Variants in GRIK2 observed in about 807,000 individuals in gnomAD.
GRIK2 encodes the protein glutamate ionotropic receptor kainate type subunit 2.
GRIK2 carries 32 observed loss-of-function variants against 100.3 expected under a neutral mutation model. That is an observed-to-expected ratio of 0.32 (90% CI 0.24 to 0.43). GRIK2 has a LOEUF of 0.43. Ranked by LOEUF, GRIK2 falls within the 20% of genes least tolerant of loss-of-function variation. The pLI, the probability that GRIK2 is intolerant of heterozygous loss-of-function variation, is 1.00. For synonymous variants in GRIK2, 417 were observed against 389.4 expected (o/e 1.07, Z -0.83); for missense variants, 843 against 1,114.9 (o/e 0.76, Z 3.47).
rs1007319200 is a variant in GRIK2, at chr6:101,949,467, G to A, written c.2085+20835G>A. ...AGTGGTGTGCTGCACCCATCCAACC[G>A]TCATCTACATTAAGTATTTCTCCTA... On this transcript the variant is annotated intron_variant, in intron 14 of 16. Transcript: ENST00000369134. Among the ~76,000 whole-genome samples, 8 of 151,958 alleles carry A rather than the reference G, an allele frequency of 5.3e-5. No homozygotes were observed. In the South Asian group the frequency reaches 1.2e-3, roughly 24 times the overall value.
At chr6:101,793,824 A>G (rs965498730) in intron 7 of GRIK2, among the ~76,000 whole-genome samples, 2 of 152,150 alleles carry the variant, frequency 1.3e-5, no homozygotes, top group Non-Finnish European at 2.9e-5. Context: ...TGGAGCCTAC[A>G]GAGGCAGGCA....
chr6:101,550,410 AT>A (rs1434923320), intron 2 of GRIK2, among the ~76,000 whole-genome samples: 1 of 152,184 alleles, frequency 6.6e-6, no homozygotes, highest in African/African-American at 2.4e-5. Flanking sequence ...CAAAAATGAA[AT>A]GATTTGCTCC....
At chr6:101,710,081 G>A (rs983591457) in intron 7 of GRIK2, among the ~76,000 whole-genome samples, 1 of 151,876 alleles carries the variant, frequency 6.6e-6, no homozygotes, top group African/African-American at 2.4e-5. Context: ...CAATGCCACT[G>A]TTAGAGATAC....
chr6:101,720,496 T>C (rs1429639613), intron 7 of GRIK2, among the ~76,000 whole-genome samples: 1 of 152,028 alleles, frequency 6.6e-6, no homozygotes. Flanking sequence ...TGTGTAAGTG[T>C]AGTATTGTCT....
chr6:101,527,201 C>G (rs543741588), intron 2 of GRIK2, among the ~76,000 whole-genome samples: 1 of 152,166 alleles, frequency 6.6e-6, no homozygotes, highest in Admixed American at 6.5e-5. Context: ...AACTCTAGAT[C>G]AGTCACATGT....
chr6:101,768,481 T>A (rs759809499), intron 7 of GRIK2, among the ~76,000 whole-genome samples: 169 of 152,176 alleles, frequency 1.1e-3, no homozygotes, highest in Non-Finnish European at 2.1e-3. Flanking sequence ...ATGGTTTCTC[T>A]CACCTAGAAA....
intron 7 of GRIK2, among the ~76,000 whole-genome samples, chr6:101,795,934 C>A (rs1367884178): frequency 6.6e-6 from 1 of 152,152 alleles, no homozygotes; most frequent in Non-Finnish European, 1.5e-5. Context: ...TAATCTCTAC[C>A]TTTTCTTATT....
chr6:101,701,311 C>T (rs937021321), intron 7 of GRIK2, among the ~76,000 whole-genome samples: 5 of 151,914 alleles, frequency 3.3e-5, no homozygotes, highest in Admixed American at 2.6e-4. Context: ...ACTTTAGTGC[C>T]CTTGTTTCTC....
chr6:101,505,511 T>C (rs1324323648), intron 2 of GRIK2, among the ~76,000 whole-genome samples: 1 of 152,146 alleles, frequency 6.6e-6, no homozygotes, highest in African/African-American at 2.4e-5. Context: ...GGTCCTATTA[T>C]ACCAGACATG....
intron 14 of GRIK2, among the ~76,000 whole-genome samples, chr6:101,995,055 A>G (rs1210631553): frequency 6.6e-6 from 1 of 151,936 alleles, no homozygotes; most frequent in Admixed American, 6.6e-5. Context: ...TTTGAAAACT[A>G]CTAAATTGTC....
At chr6:101,667,468 G>A (rs1158755481) in intron 4 of GRIK2, among the ~76,000 whole-genome samples, 1 of 152,118 alleles carries the variant, frequency 6.6e-6, no homozygotes, top group Non-Finnish European at 1.5e-5. Flanking sequence ...GTGTCAAAGT[G>A]TGTTTTCAGG....
At chr6:102,048,978 T>A (rs181466889) in intron 15 of GRIK2, among the ~76,000 whole-genome samples, 1 of 152,232 alleles carries the variant, frequency 6.6e-6, no homozygotes, top group East Asian at 1.9e-4. Flanking sequence ...TATGAAGGAT[T>A]TGGGTTCTAT....
intron 12 of GRIK2, among the ~76,000 whole-genome samples, chr6:101,891,956 TA>T (rs1394749045): frequency 6.6e-6 from 1 of 152,166 alleles, no homozygotes; most frequent in African/African-American, 2.4e-5. Flanking sequence ...AGTTTCAGAT[TA>T]AGCAATTCAG....
intron 10 of GRIK2, among the ~76,000 whole-genome samples, chr6:101,838,901 C>T (rs1373753364): frequency 1.3e-5 from 2 of 152,068 alleles, no homozygotes; most frequent in Admixed American, 6.6e-5. Flanking sequence ...GAACCACCTA[C>T]GTTGGCCTTC....
intron 15 of GRIK2, among the ~76,000 whole-genome samples, chr6:102,036,183 TA>T (rs1244014145): frequency 6.6e-6 from 1 of 151,102 alleles, no homozygotes; most frequent in African/African-American, 2.4e-5. Flanking sequence ...CTCTTGATTA[TA>T]TATATACAAA....
Position 102,035,454 on chromosome 6 carries a change from T to C in GRIK2, c.2199T>C (p.Tyr733=). The C allele has an allele frequency of 3.7e-6, 6 of 1,608,850 alleles. No individual in the cohort carries two copies. In the African/African-American group the frequency reaches 4.0e-5, roughly 11 times the overall value. ...TCCAGCGAGTCCTCACCTCTGATTA[T>C]GCTTTCCTAATGGAGTCAACAACCA... The part of the protein sequence containing the change: ...EGIQRVLTSD[Y]AFLMESTTIE... The change falls in exon 15 of 17, where the codon TAT becomes TAC. Residue 733 remains tyrosine, a synonymous_variant. Coordinates refer to ENST00000369134, the MANE Select transcript of GRIK2 (RefSeq NM_021956.5).
chr6:101,395,828 G>GT (rs763358180), intron 1 of GRIK2, among the ~76,000 whole-genome samples: 18 of 152,096 alleles, frequency 1.2e-4, no homozygotes, highest in East Asian at 3.9e-4. Context: ...GGGTGTGCGT[G>GT]TATGTGTGTT....
At chr6:101,486,391 C>CGGGGGGGGGGGAG (rs748806335) in intron 2 of GRIK2, among the ~76,000 whole-genome samples, 1 of 90,790 alleles carries the variant, frequency 1.1e-5, no homozygotes, top group Non-Finnish European at 2.3e-5. Flanking sequence ...GGGGGTGGGG[C>CGGGGGGGGGGGAG]GGGGGGGGGA....
intron 15 of GRIK2, among the ~76,000 whole-genome samples, chr6:102,050,734 C>A: frequency 2.4e-5 from 3 of 126,808 alleles, no homozygotes; most frequent in African/African-American, 3.0e-5. Context: ...AAAGGGAACA[C>A]AGAGGAATGA....
Sources: gnomAD v4.1 joint callset for allele counts (sites outside exome capture counted in the v4.1 genomes callset) on GRCh38, gnomAD v4.1.1 for gene constraint, MANE v1.5 for transcripts, NCBI Gene and HGNC (gene_info 2026-07-23, HGNC 2026-07-21) for gene names.